The following LSAMP variants were observed in gnomAD, a reference collection of about 807,000 sequenced individuals.
The protein encoded by LSAMP is limbic system-associated membrane protein.
Under a neutral mutation model 38.6 loss-of-function variants are expected in LSAMP, and 7 were observed. The observed-to-expected ratio is 0.18, with a 90% CI of 0.10 to 0.34. The LOEUF (loss-of-function observed/expected upper bound fraction) is 0.34, where lower values mean the gene tolerates loss of function less well. LSAMP is among the 10% of genes least tolerant of loss of function. The pLI is 1.00. For synonymous variants in LSAMP, 154 were observed against 166.8 expected, an observed-to-expected ratio of 0.92 and a Z score of 0.59; for missense variants, 313 against 420.0, an observed-to-expected ratio of 0.75 and a Z score of 2.23.
At chr3:116,220,465 A>C (rs1576441512) in intron 1 of LSAMP, among the ~76,000 whole-genome samples, 1 of 152,290 alleles carries the variant, frequency 6.6e-6, no homozygotes, top group Middle Eastern at 3.4e-3. Context: ...TGAAGTTAGA[A>C]AAGAAACCAT....
At chr3:116,397,610 C>G (rs1222893543) in intron 1 of LSAMP, among the ~76,000 whole-genome samples, 1 of 152,008 alleles carries the variant, frequency 6.6e-6, no homozygotes, top group Non-Finnish European at 1.5e-5. Flanking sequence ...TACTCCCAGG[C>G]AAGAAGTGAA....
At chr3:116,302,271 A>C (rs187124445) in intron 1 of LSAMP, among the ~76,000 whole-genome samples, 111 of 152,294 alleles carry the variant, frequency 7.3e-4, no homozygotes, top group African/African-American at 2.4e-3. Flanking sequence ...TCTAGGCAAA[A>C]TTGTATATAA....
intron 3 of LSAMP, among the ~76,000 whole-genome samples, chr3:116,006,922 T>C (rs1463877294): frequency 6.6e-6 from 1 of 152,164 alleles, no homozygotes; most frequent in East Asian, 1.9e-4. Context: ...AAGTCTCTCA[T>C]CCCCTGATCT....
At chr3:115,993,072 TA>T (rs1331586664) in intron 3 of LSAMP, among the ~76,000 whole-genome samples, 1 of 152,150 alleles carries the variant, frequency 6.6e-6, no homozygotes, top group East Asian at 1.9e-4. Flanking sequence ...TTTTACTCTG[TA>T]AGCTAGGAAT....
intron 1 of LSAMP, among the ~76,000 whole-genome samples, chr3:116,353,287 C>T (rs181423523): frequency 3.9e-5 from 6 of 152,062 alleles, no homozygotes; most frequent in South Asian, 4.2e-4. Context: ...AAATTTTATT[C>T]GTCTACTCTT....
chr3:116,084,308 C>T (rs1233070715), intron 2 of LSAMP, among the ~76,000 whole-genome samples: 1 of 151,586 alleles, frequency 6.6e-6, no homozygotes, highest in Admixed American at 6.6e-5. Context: ...TAGTTCTAAC[C>T]CTTGTGAGAT....
chr3:115,991,844 G>A lies in LSAMP; in HGVS notation c.514+27671C>T, dbSNP rs192734223. ...GTTGCTAAATGTGCTGAGGTTATTT[G>A]TGCCCAGCAATAAATACTGTTGCAA... On this transcript the variant is annotated intron_variant, in intron 3 of 6. Transcript: ENST00000490035. Among the ~76,000 whole-genome samples the A allele has an allele frequency of 1.2e-4, 19 of 152,204 alleles. No individual in the cohort carries two copies. The East Asian group carries it at 3.7e-3, about 29-fold the overall frequency.
chr3:116,434,564 G>C (rs1398781580), intron 1 of LSAMP, among the ~76,000 whole-genome samples: 2 of 152,072 alleles, frequency 1.3e-5, no homozygotes, highest in African/African-American at 2.4e-5. Context: ...GTGGAGTGAG[G>C]GGTAGAAGGA....
intron 6 of LSAMP, among the ~76,000 whole-genome samples, chr3:115,821,176 G>C (rs1934224784): frequency 6.6e-6 from 1 of 152,014 alleles, no homozygotes; most frequent in African/African-American, 2.4e-5. Flanking sequence ...ATTCAAGTGA[G>C]TGTTGCAAAG....
intron 2 of LSAMP, among the ~76,000 whole-genome samples, chr3:116,025,639 T>A (rs1159030416): frequency 6.6e-6 from 1 of 152,078 alleles, no homozygotes; most frequent in Non-Finnish European, 1.5e-5. Context: ...TAATCAGAGT[T>A]TTTTCCTCCC....
intron 3 of LSAMP, among the ~76,000 whole-genome samples, chr3:115,926,334 C>T (rs939170911): frequency 2.0e-5 from 3 of 152,144 alleles, no homozygotes; most frequent in African/African-American, 7.2e-5. Flanking sequence ...CTGCCACATG[C>T]AAGGGGATTG....
At chr3:115,927,872 C>T (rs1023571861) in intron 3 of LSAMP, among the ~76,000 whole-genome samples, 1 of 152,196 alleles carries the variant, frequency 6.6e-6, no homozygotes, top group African/African-American at 2.4e-5. Context: ...CAACCTTGCT[C>T]CAGCCACATA....
chr3:115,996,642 T>C (rs201701682), intron 3 of LSAMP, among the ~76,000 whole-genome samples: 1 of 152,004 alleles, frequency 6.6e-6, no homozygotes. Context: ...GGTATGGATG[T>C]GGGGAAAAAA....
chr3:115,862,164 C>T (rs528267453), intron 3 of LSAMP, among the ~76,000 whole-genome samples: 1 of 152,128 alleles, frequency 6.6e-6, no homozygotes, highest in East Asian at 1.9e-4. Flanking sequence ...AGATCACTCA[C>T]CATTGTCATC....
intron 1 of LSAMP, among the ~76,000 whole-genome samples, chr3:116,123,779 G>A (rs907892746): frequency 7.9e-5 from 12 of 152,266 alleles, no homozygotes; most frequent in African/African-American, 2.9e-4. Flanking sequence ...TGGAGTATAG[G>A]CTAAGTGCCT....
intron 3 of LSAMP, among the ~76,000 whole-genome samples, chr3:115,917,378 T>C (rs1429682437): frequency 2.0e-5 from 3 of 152,306 alleles, no homozygotes; most frequent in South Asian, 4.1e-4. Flanking sequence ...AGTCCAGAGA[T>C]CATAGAACTT....
chr3:116,131,320 G>A (rs532355572), intron 1 of LSAMP, among the ~76,000 whole-genome samples: 22 of 152,124 alleles, frequency 1.4e-4, no homozygotes, highest in Admixed American at 8.5e-4. Context: ...CATTTTCAGC[G>A]TTTGTAGGTT....
At chr3:115,955,433 G>C (rs1456267994) in intron 3 of LSAMP, among the ~76,000 whole-genome samples, 1 of 152,078 alleles carries the variant, frequency 6.6e-6, no homozygotes, top group African/African-American at 2.4e-5. Context: ...AATAGTTGTG[G>C]TATTAGACTT....
intron 1 of LSAMP, among the ~76,000 whole-genome samples, chr3:116,442,037 C>T (rs540829914): frequency 1.3e-5 from 2 of 152,190 alleles, no homozygotes; most frequent in South Asian, 4.1e-4. Context: ...ATTTTGTCAC[C>T]ATAATTATAT....
Sources: allele counts gnomAD v4.1 joint callset (sites outside exome capture counted in the v4.1 genomes callset), GRCh38; gene constraint gnomAD v4.1.1; transcripts MANE v1.5; gene names NCBI Gene and HGNC (gene_info 2026-07-23, HGNC 2026-07-21).